Variants in CCZ1B observed in about 807,000 individuals in gnomAD.
CCZ1B encodes the protein vacuolar fusion protein CCZ1 homolog B.
CCZ1B carries 25 observed loss-of-function variants against 58.8 expected under a neutral mutation model. That is an observed-to-expected ratio of 0.43 (90% CI 0.31 to 0.59). The LOEUF (loss-of-function observed/expected upper bound fraction) is 0.59. Ranked by LOEUF, CCZ1B falls within the 20% of genes least tolerant of loss-of-function variation. The pLI is 0.12. For missense variants in CCZ1B, 180 were observed against 501.5 expected (o/e 0.36, Z 6.12); for synonymous variants, 66 against 173.2 (o/e 0.38, Z 4.86).
At chr7:6,816,265 A>G (rs1321395168) in intron 7 of CCZ1B, among the ~76,000 whole-genome samples, 1 of 149,390 alleles carries the variant, frequency 6.7e-6, no homozygotes, top group East Asian at 1.9e-4. Flanking sequence ...AGATCACCTA[A>G]GGTCAGGGAT....
At chr7:6,814,138 C>T (rs1782960901) in intron 8 of CCZ1B, among the ~76,000 whole-genome samples, 1 of 148,042 alleles carries the variant, frequency 6.8e-6, no homozygotes, top group Non-Finnish European at 1.5e-5. Flanking sequence ...AAGAACGAAA[C>T]TCTGTCCCAA....
rs1267821477 is a variant in CCZ1B, at chr7:6,817,338, G to A, written c.698+2428C>T. On this transcript the variant is annotated intron_variant, in intron 7 of 14. Transcript: ENST00000316731. The stretch of plus-strand genomic sequence containing the variant: ...AGAATGAGCTCCTGGAAGACCCTCT[G>A]CTCTAAGCCTTCCCTCTTCCTCACT... Among the ~76,000 whole-genome samples, 5 of 151,368 alleles carry A rather than the reference G, an allele frequency of 3.3e-5. No individual in the cohort carries two copies. The East Asian group carries it at 9.6e-4, about 29-fold the overall frequency.
At chr7:6,815,628 T>C (rs900854638) in intron 7 of CCZ1B, among the ~76,000 whole-genome samples, 2 of 148,884 alleles carry the variant, frequency 1.3e-5, no homozygotes, top group Admixed American at 1.3e-4. Context: ...TTTAACATTA[T>C]ATCAAGAGGC....
Position 6,822,668 on chromosome 7 carries a change from GTGTTC to G in CCZ1B, c.439-309_439-305del, listed in dbSNP as rs1423788723. Among the ~76,000 whole-genome samples, 5 of 144,116 alleles carry G rather than the reference GTGTTC, an allele frequency of 3.5e-5. 1 individual carries two copies. Among genetic ancestry groups the G allele is most frequent in the African/African-American group, 8.0e-5 (3 of 37,540 alleles). 94.5% of individuals were successfully genotyped at this position (144,116 alleles called of 152,430 possible). A position where few individuals can be genotyped will look rare whatever the true frequency, so the allele number is the denominator to read the frequency against. On this transcript the variant is annotated intron_variant, in intron 5 of 14. Coordinates refer to ENST00000316731, the MANE Select transcript of CCZ1B (RefSeq NM_198097.5). ...CACATTTCTGTTTTTTTATTTTTCA[GTGTTC>G]TGTTAATAAATGGAATCACCAAACT...
At chr7:6,803,832 C>T (rs1425393460) in intron 12 of CCZ1B, among the ~76,000 whole-genome samples, 2 of 151,270 alleles carry the variant, frequency 1.3e-5, no homozygotes, top group East Asian at 3.9e-4. Flanking sequence ...ATGATGGCAC[C>T]CAGCTACTCA....
intron 11 of CCZ1B, 109 bp downstream of exon 11, chr7:6,805,894 CA>C (rs1209130536): frequency 5.1e-6 from 8 of 1,564,330 alleles, no homozygotes; most frequent in Non-Finnish European, 7.0e-6. Flanking sequence ...CCGTCTCCAA[CA>C]AAAAAACCCC....
At chr7:6,823,515 CTTTT>C (rs897480782) in intron 4 of CCZ1B, among the ~76,000 whole-genome samples, 155 bp from the exon 5 acceptor site, 3 of 104,878 alleles carry the variant, frequency 2.9e-5, no homozygotes, top group South Asian at 3.1e-4. Flanking sequence ...TGTTTGCGTT[CTTTT>C]TTTTTTTTTT....
At chr7:6,810,630 T>C (rs1238782938) in intron 10 of CCZ1B, among the ~76,000 whole-genome samples, 1 of 147,638 alleles carries the variant, frequency 6.8e-6, no homozygotes, top group Non-Finnish European at 1.5e-5. Context: ...TTTTTAAACA[T>C]TTTCCTGTCG....
chr7:6,811,886 G>A (rs989532997), intron 10 of CCZ1B, 66 bp downstream of exon 10: 3 of 1,566,032 alleles, frequency 1.9e-6, no homozygotes, highest in African/African-American at 1.4e-5. Flanking sequence ...ACATGCACTC[G>A]TGTACACATG....
intron 7 of CCZ1B, among the ~76,000 whole-genome samples, chr7:6,815,668 T>C (rs573924185): frequency 6.7e-6 from 1 of 148,928 alleles, no homozygotes; most frequent in Non-Finnish European, 1.5e-5. Flanking sequence ...TTAAGGAAGG[T>C]AAAGAGTTAA....
intron 6 of CCZ1B, among the ~76,000 whole-genome samples, chr7:6,820,215 G>A (rs1783086604): frequency 6.7e-6 from 1 of 149,340 alleles, no homozygotes; most frequent in Non-Finnish European, 1.5e-5. Context: ...GTCTTGCTCT[G>A]TCATCCAGGC....
chr7:6,820,043 C>T (rs1783083718), intron 6 of CCZ1B, 102 bp from the exon 7 acceptor site: 2 of 1,334,078 alleles, frequency 1.5e-6, no homozygotes, highest in African/African-American at 1.5e-5. Flanking sequence ...ATTTATGGTA[C>T]AATTACATAC....
chr7:6,818,712 C>CAAGAAAGAAAGAAAGA (rs769620724), intron 7 of CCZ1B, among the ~76,000 whole-genome samples: 36 of 80,684 alleles, frequency 4.5e-4, no homozygotes, highest in African/African-American at 2.0e-3. Context: ...GAAAGAAAGA[C>CAAGAAAGAAAGAAAGA]AAGAAAGAAA....
At chr7:6,818,695 C>CAGACAGA (rs1554259308) in intron 7 of CCZ1B, among the ~76,000 whole-genome samples, 6 of 59,484 alleles carry the variant, frequency 1.0e-4, no homozygotes, top group African/African-American at 2.5e-4. Flanking sequence ...GAAAGAAAGA[C>CAGACAGA]AAGAAAGAAA....
chr7:6,804,022 T>C (rs1293325751), intron 12 of CCZ1B, among the ~76,000 whole-genome samples: 1 of 149,712 alleles, frequency 6.7e-6, no homozygotes, highest in African/African-American at 2.4e-5. Context: ...CACAGCCTTT[T>C]AGTAACTTCT....
At chr7:6,820,142 T>C (rs1783085386) in intron 6 of CCZ1B, among the ~76,000 whole-genome samples, 1 of 41,406 alleles carries the variant, frequency 2.4e-5, no homozygotes, top group Non-Finnish European at 4.7e-5. Context: ...AAGTTCAAAC[T>C]ATCTACTTAA....
intron 6 of CCZ1B, among the ~76,000 whole-genome samples, chr7:6,820,793 T>C (rs1562432333): frequency 6.8e-6 from 1 of 147,702 alleles, no homozygotes; most frequent in Non-Finnish European, 1.5e-5. Flanking sequence ...TGGTAGCCTG[T>C]AATCCCAACT....
rs1231667490 is a variant in CCZ1B at position 6,822,748 on chromosome 7, G to C, written c.439-384C>G. Among the ~76,000 whole-genome samples the C allele has an allele frequency of 5.2e-5, 7 of 134,504 alleles. 1 individual carries two copies. The highest frequency in any genetic ancestry group is 2.0e-4 in the African/African-American group (7 of 35,194). The allele number at this position is 134,504 out of a possible 152,430, so 88.2% of individuals were successfully genotyped here. ...AGATGGAATCTCGCTGTTGCCCAGG[G>C]TAGAGTGCAGTGGTGCAATCACAGT... On this transcript the variant is annotated intron_variant, in intron 5 of 14. Transcript: ENST00000316731.
At chr7:6,807,756 CAAAAT>C (rs1228925272) in intron 10 of CCZ1B, among the ~76,000 whole-genome samples, 1 of 138,238 alleles carries the variant, frequency 7.2e-6, no homozygotes, top group Non-Finnish European at 1.6e-5. Context: ...GAAACAAAAT[CAAAAT>C]AAACCTGTAA....
Sources: gnomAD v4.1 joint callset for allele counts (sites outside exome capture counted in the v4.1 genomes callset) on GRCh38, gnomAD v4.1.1 for gene constraint, MANE v1.5 for transcripts, NCBI Gene and HGNC (gene_info 2026-07-23, HGNC 2026-07-21) for gene names.